Variants in LRRC7 observed in about 807,000 individuals in gnomAD.
LRRC7 encodes the protein leucine rich repeat containing 7.
A neutral mutation model predicts 175.7 loss-of-function variants in LRRC7; 23 were observed. The ratio of observed to expected loss-of-function variants is 0.13; its 90% CI spans 0.09 to 0.19. The LOEUF (loss-of-function observed/expected upper bound fraction) is 0.19, where lower values mean the gene tolerates loss of function less well. LRRC7 is among the 10% of genes least tolerant of loss of function. The probability of loss-of-function intolerance (pLI) is 1.00; values close to 1 mark genes in which losing one functional copy is unlikely to be tolerated. For missense variants in LRRC7, 1,354 were observed against 1,904.7 expected (o/e 0.71, Z 5.38); for synonymous variants, 685 against 680.9 (o/e 1.01, Z -0.09).
chr1:69,632,148 G>A (rs1652609050), intron 1 of LRRC7, among the ~76,000 whole-genome samples: 1 of 151,916 alleles, frequency 6.6e-6, no homozygotes, highest in Middle Eastern at 3.2e-3. Context: ...CTCTGGCTAG[G>A]ACCCCATGCA....
intron 23 of LRRC7, among the ~76,000 whole-genome samples, chr1:70,053,832 G>C (rs956052304): frequency 6.6e-6 from 1 of 152,076 alleles, no homozygotes; most frequent in African/African-American, 2.4e-5. Flanking sequence ...ATACAACACA[G>C]TTTTTTAAAC....
At chr1:69,597,910 T>C (rs1393514915) in intron 1 of LRRC7, among the ~76,000 whole-genome samples, 2 of 152,158 alleles carry the variant, frequency 1.3e-5, no homozygotes, top group East Asian at 3.8e-4. Flanking sequence ...ATTTAAATCA[T>C]AGTAATAGAA....
chr1:69,898,610 G>GCACTGGC (rs1302376404), intron 7 of LRRC7, among the ~76,000 whole-genome samples: 1 of 151,722 alleles, frequency 6.6e-6, no homozygotes, highest in African/African-American at 2.4e-5. Context: ...CCAGCGCTGG[G>GCACTGGC]CACTGGCCAC....
At chr1:69,735,735 C>G (rs978482997) in intron 2 of LRRC7, among the ~76,000 whole-genome samples, 1 of 152,010 alleles carries the variant, frequency 6.6e-6, no homozygotes, top group Non-Finnish European at 1.5e-5. Context: ...TATCATTTTT[C>G]TACATGGTAT....
chr1:69,946,217 A>C (rs1043318077), intron 8 of LRRC7, among the ~76,000 whole-genome samples: 8 of 152,144 alleles, frequency 5.3e-5, no homozygotes, highest in African/African-American at 1.9e-4. Flanking sequence ...CTTTTTCTGC[A>C]TCTAATAAGA....
At chr1:69,607,063 ATGAAG>A (rs1647709314) in intron 1 of LRRC7, 2 of 152,116 alleles carry the variant, frequency 1.3e-5, no homozygotes, top group African/African-American at 4.8e-5. Flanking sequence ...TCAGAATGAA[ATGAAG>A]TGACTGAAGA....
At chr1:69,583,778 T>C (rs1646294721) in intron 1 of LRRC7, among the ~76,000 whole-genome samples, 1 of 152,144 alleles carries the variant, frequency 6.6e-6, no homozygotes, top group South Asian at 2.1e-4. Flanking sequence ...TGGGTACAAA[T>C]AGGGCTGCAT....
intron 2 of LRRC7, among the ~76,000 whole-genome samples, chr1:69,722,195 G>A (rs1315699795): frequency 1.3e-5 from 2 of 151,752 alleles, no homozygotes; most frequent in Non-Finnish European, 2.9e-5. Context: ...TTTAGACACT[G>A]TTCAATGACT....
intron 23 of LRRC7, among the ~76,000 whole-genome samples, chr1:70,057,893 G>A (rs1661272600): frequency 6.6e-6 from 1 of 151,870 alleles, no homozygotes; most frequent in African/African-American, 2.4e-5. Context: ...CTGTGCACCT[G>A]AGAGTGGCAA....
At chr1:70,108,840 C>A (rs911788338) in intron 26 of LRRC7, among the ~76,000 whole-genome samples, 4 of 152,140 alleles carry the variant, frequency 2.6e-5, no homozygotes, top group Non-Finnish European at 5.9e-5. Flanking sequence ...TGCAAGGATC[C>A]CCTCAAGTCA....
At chr1:70,022,826 T>C (rs1657653185) in intron 16 of LRRC7, among the ~76,000 whole-genome samples, 1 of 152,182 alleles carries the variant, frequency 6.6e-6, no homozygotes, top group African/African-American at 2.4e-5. Context: ...TTAATTTACA[T>C]GAAATTTAAA....
chr1:69,742,065 T>A (rs1317003155), intron 2 of LRRC7, among the ~76,000 whole-genome samples: 1 of 152,048 alleles, frequency 6.6e-6, no homozygotes, highest in Non-Finnish European at 1.5e-5. Flanking sequence ...TATGTGTAGG[T>A]GTGTGTTTTT....
intron 7 of LRRC7, among the ~76,000 whole-genome samples, chr1:69,922,017 C>T (rs1169353782): frequency 1.3e-5 from 2 of 152,122 alleles, no homozygotes; most frequent in African/African-American, 2.4e-5. Flanking sequence ...CCTCTGCCTC[C>T]CAGATTCAAG....
At chr1:69,694,032 T>G (rs915324513) in intron 2 of LRRC7, among the ~76,000 whole-genome samples, 2 of 152,132 alleles carry the variant, frequency 1.3e-5, no homozygotes, top group African/African-American at 4.8e-5. Context: ...TCATGTCCAT[T>G]CTCTCCTTCC....
chr1:70,081,120 CT>C (rs1293551473), intron 24 of LRRC7, among the ~76,000 whole-genome samples: 1 of 152,188 alleles, frequency 6.6e-6, no homozygotes, highest in Non-Finnish European at 1.5e-5. Context: ...GGCAATGAGA[CT>C]TTTGAAAACT....
chr1:70,014,279 A>G (rs1656782107), intron 13 of LRRC7: 1 of 152,014 alleles, frequency 6.6e-6, no homozygotes, highest in Non-Finnish European at 1.5e-5. Flanking sequence ...CATTCATCGT[A>G]TGCAAAATAT....
chr1:69,856,634 CA>C (rs1557816465), intron 7 of LRRC7, among the ~76,000 whole-genome samples: 1 of 151,972 alleles, frequency 6.6e-6, no homozygotes, highest in African/African-American at 2.4e-5. Context: ...GCCTACTAAC[CA>C]AAAAAAGTCC....
At position 70,132,457 on chromosome 1, in the gene LRRC7, C is replaced by CTTTTTTTTTTTTTT. The variant is rs149091576; in HGVS notation, c.*10583_*10596dup. 1.2e-4 allele frequency among the ~76,000 whole-genome samples: 9 copies of CTTTTTTTTTTTTTT among 76,450 alleles called. No individual in the cohort carries two copies. The highest frequency in any genetic ancestry group is 4.3e-4 in the East Asian group (1 of 2,308). The allele number at this position is 76,450 out of a possible 152,430, so 50.2% of individuals were successfully genotyped here. Reference sequence around the variant, plus strand: ...TTTCTTTTTTCTTTTCTTTTCTTTTCTTTTTTTTTTTTTTTTTTTTTTTTT... The same window carrying CTTTTTTTTTTTTTT: ...TTTCTTTTTTCTTTTCTTTTCTTTTCTTTTTTTTTTTTTTTTTTTTTTTTTTTTTTTTTTTTTTT... On this transcript the variant is annotated 3_prime_UTR_variant, in exon 27 of 27. Transcript: ENST00000651989.
chr1:69,900,566 T>G (rs1333275837), intron 7 of LRRC7, among the ~76,000 whole-genome samples: 1 of 152,206 alleles, frequency 6.6e-6, no homozygotes, highest in Non-Finnish European at 1.5e-5. Flanking sequence ...TATTGTAGCA[T>G]ACAATATTCT....
Sources: allele counts gnomAD v4.1 joint callset (sites outside exome capture counted in the v4.1 genomes callset), GRCh38; gene constraint gnomAD v4.1.1; transcripts MANE v1.5; gene names NCBI Gene and HGNC (gene_info 2026-07-23, HGNC 2026-07-21).